The following ACSS3 variants were observed in gnomAD, a reference collection of about 807,000 sequenced individuals.
ACSS3 encodes the protein acyl-CoA synthetase short chain family member 3, also known as acyl-CoA synthetase short-chain family member 3, mitochondrial.
A neutral mutation model predicts 84.2 loss-of-function variants in ACSS3; 64 were observed. That is an observed-to-expected ratio of 0.76 (90% confidence interval 0.62 to 0.94). The LOEUF is 0.94. Among genes scored for constraint, ACSS3 ranks in the 40% least tolerant of loss-of-function variants. The pLI, the probability that ACSS3 is intolerant of heterozygous loss-of-function variation, is 0.00. For synonymous variants in ACSS3, 317 were observed against 310.1 expected, an observed-to-expected ratio of 1.02 and a Z score of -0.23; for missense variants, 815 against 867.6, an observed-to-expected ratio of 0.94 and a Z score of 0.76.
At chr12:81,226,611 C>G (rs143947546) in intron 11 of ACSS3, among the ~76,000 whole-genome samples, 50 of 151,912 alleles carry the variant, frequency 3.3e-4, no homozygotes, top group African/African-American at 1.2e-3. Context: ...TTCTACAAAT[C>G]CCAAAATGCC....
chr12:81,130,047 G>T, intron 2 of ACSS3, among the ~76,000 whole-genome samples: 1 of 152,104 alleles, frequency 6.6e-6, no homozygotes, highest in Admixed American at 6.6e-5. Flanking sequence ...TGGGTTGGTT[G>T]TAAGTCTTTG....
At chr12:81,188,859 A>G (rs2031417637) in intron 8 of ACSS3, among the ~76,000 whole-genome samples, 1 of 152,160 alleles carries the variant, frequency 6.6e-6, no homozygotes, top group African/African-American at 2.4e-5. Flanking sequence ...GTATAGATAC[A>G]CTGTGGAAGG....
chr12:81,230,108 G>A (rs183461957), intron 11 of ACSS3, among the ~76,000 whole-genome samples: 1 of 151,936 alleles, frequency 6.6e-6, no homozygotes, highest in Non-Finnish European at 1.5e-5. Flanking sequence ...TTCTCAGCAT[G>A]AGAACTACGA....
At chr12:81,131,348 T>A (rs1206164754) in intron 2 of ACSS3, among the ~76,000 whole-genome samples, 1 of 152,198 alleles carries the variant, frequency 6.6e-6, no homozygotes, top group African/African-American at 2.4e-5. Flanking sequence ...TTCACATCCC[T>A]TGTAAGTTGG....
intron 2 of ACSS3, among the ~76,000 whole-genome samples, chr12:81,129,689 A>T (rs1885358638): frequency 6.6e-6 from 1 of 152,146 alleles, no homozygotes; most frequent in African/African-American, 2.4e-5. Flanking sequence ...GGTTTGTTAC[A>T]TATGTATGCA....
At chr12:81,171,983 G>A (rs190793088) in intron 7 of ACSS3, among the ~76,000 whole-genome samples, 8 of 152,152 alleles carry the variant, frequency 5.3e-5, no homozygotes, top group Non-Finnish European at 1.2e-4. Flanking sequence ...TAGAAAAAGC[G>A]CAGTAAAACT....
At chr12:81,115,018 G>A (rs1353940314) in intron 2 of ACSS3, among the ~76,000 whole-genome samples, 2 of 152,142 alleles carry the variant, frequency 1.3e-5, no homozygotes, top group East Asian at 3.9e-4. Flanking sequence ...TTTGTGTCAG[G>A]ATTTTTTCAC....
At chr12:81,169,457 A>G (rs1332930852) in intron 7 of ACSS3, among the ~76,000 whole-genome samples, 1 of 152,164 alleles carries the variant, frequency 6.6e-6, no homozygotes, top group African/African-American at 2.4e-5. Flanking sequence ...CCATTTTTGA[A>G]GAGATTGTAC....
intron 4 of ACSS3, among the ~76,000 whole-genome samples, chr12:81,142,872 A>G (rs141791257): frequency 4.9e-4 from 74 of 152,346 alleles, no homozygotes; most frequent in African/African-American, 1.8e-3. Context: ...TCTAGATTTA[A>G]ATGAAACATG....
At chr12:81,174,175 G>A (rs2030296995) in intron 7 of ACSS3, among the ~76,000 whole-genome samples, 1 of 152,104 alleles carries the variant, frequency 6.6e-6, no homozygotes, top group Admixed American at 6.5e-5. Flanking sequence ...CTTTTGAATT[G>A]TATGGCTTGC....
chr12:81,231,007 T>C (rs1411378236), intron 11 of ACSS3, 50 bp from the exon 12 acceptor site: 5 of 1,367,888 alleles, frequency 3.7e-6, no homozygotes, highest in Non-Finnish European at 5.2e-6. Context: ...AATCAACCTG[T>C]CTTTATTACC....
chr12:81,191,729 A>C (rs1029769345), intron 8 of ACSS3, among the ~76,000 whole-genome samples: 8 of 152,136 alleles, frequency 5.3e-5, no homozygotes, highest in African/African-American at 1.9e-4. Context: ...TTAATGACAC[A>C]TATGTTAGAA....
chr12:81,111,304 A>T (rs4306334), intron 2 of ACSS3, among the ~76,000 whole-genome samples: 1 of 152,016 alleles, frequency 6.6e-6, no homozygotes, highest in Non-Finnish European at 1.5e-5. Context: ...AACATCTGTC[A>T]TGCTGAACCC....
At chr12:81,166,222 AG>A (rs899419371) in intron 7 of ACSS3, among the ~76,000 whole-genome samples, 11 of 152,258 alleles carry the variant, frequency 7.2e-5, no homozygotes, top group African/African-American at 2.6e-4. Context: ...ATTGAGAAGG[AG>A]GTTAGGGTGT....
At chr12:81,108,988 T>C (rs1178515965) in intron 1 of ACSS3, among the ~76,000 whole-genome samples, 6 of 152,336 alleles carry the variant, frequency 3.9e-5, no homozygotes, top group Admixed American at 1.3e-4. Context: ...AAATATTTTA[T>C]ATGCATGTCC....
intron 1 of ACSS3, among the ~76,000 whole-genome samples, chr12:81,086,556 A>G (rs757076147): frequency 6.6e-6 from 1 of 152,182 alleles, no homozygotes; most frequent in Admixed American, 6.5e-5. Context: ...TCAATGAACA[A>G]TGGAAATTCA....
chr12:81,078,725 C>T (rs1880781782), intron 1 of ACSS3, among the ~76,000 whole-genome samples: 1 of 152,122 alleles, frequency 6.6e-6, no homozygotes, highest in Admixed American at 6.5e-5. Flanking sequence ...AAACAAGATC[C>T]TGCCTCCAGG....
chr12:81,163,409 C>T (rs977391182), intron 7 of ACSS3, among the ~76,000 whole-genome samples: 4 of 152,076 alleles, frequency 2.6e-5, no homozygotes, highest in African/African-American at 9.7e-5. Flanking sequence ...TACTGTGCTG[C>T]CAATGGGGTA....
At chr12:81,194,808 A>G (rs17243016) in intron 8 of ACSS3, among the ~76,000 whole-genome samples, 9,209 of 152,048 alleles carry the variant, frequency 0.061, 351 homozygotes, top group African/African-American at 0.096. Flanking sequence ...TTATTATTAT[A>G]ATCACTTACT....
Sources: gnomAD v4.1 joint callset for allele counts (sites outside exome capture counted in the v4.1 genomes callset) on GRCh38, gnomAD v4.1.1 for gene constraint, MANE v1.5 for transcripts, NCBI Gene and HGNC (gene_info 2026-07-23, HGNC 2026-07-21) for gene names.